KCNQ4: variants seen among roughly 807,000 people sequenced by gnomAD.
The protein encoded by KCNQ4 is potassium voltage-gated channel subfamily KQT member 4.
KCNQ4 carries 31 observed loss-of-function variants against 72.6 expected under a neutral mutation model. That is an observed-to-expected ratio of 0.43 (90% CI 0.32 to 0.58). KCNQ4 has a LOEUF of 0.58. Among genes scored for constraint, KCNQ4 ranks in the 20% least tolerant of loss-of-function variants. The pLI is 0.08. For synonymous variants in KCNQ4, 405 were observed against 403.7 expected, an observed-to-expected ratio of 1.00 and a Z score of -0.04; for missense variants, 869 against 962.6, an observed-to-expected ratio of 0.90 and a Z score of 1.29.
intron 1 of KCNQ4, among the ~76,000 whole-genome samples, chr1:40,806,199 G>A (rs528757094): frequency 5.9e-5 from 9 of 152,318 alleles, no homozygotes; most frequent in Middle Eastern, 3.4e-3. Flanking sequence ...GAATCTGCAC[G>A]GAGCTGCTCA....
chr1:40,811,749 G>A (rs1478065456), intron 1 of KCNQ4, among the ~76,000 whole-genome samples: 2 of 152,202 alleles, frequency 1.3e-5, no homozygotes, highest in Non-Finnish European at 2.9e-5. Flanking sequence ...TCTGCCTCCT[G>A]GGCTGGGCAG....
At chr1:40,808,687 A>G (rs1481648621) in intron 1 of KCNQ4, among the ~76,000 whole-genome samples, 1 of 152,100 alleles carries the variant, frequency 6.6e-6, no homozygotes, top group Non-Finnish European at 1.5e-5. Context: ...CCTACTCCAC[A>G]CCAGCTCCTC....
intron 1 of KCNQ4, among the ~76,000 whole-genome samples, chr1:40,808,536 C>A (rs575850750): frequency 1.6e-4 from 25 of 152,244 alleles, no homozygotes; most frequent in African/African-American, 5.8e-4. Flanking sequence ...CCCACCCCAC[C>A]CTCCTGCCCA....
intron 3 of KCNQ4, 89 bp from the exon 4 acceptor site, chr1:40,818,416 C>A: frequency 6.4e-7 from 1 of 1,561,580 alleles, no homozygotes; most frequent in Non-Finnish European, 8.7e-7. Context: ...CCTCCCTCCC[C>A]AGTCCCCTGC....
Position 40,784,165 on chromosome 1 carries a change from G to A in KCNQ4, c.72G>A (p.Val24=). 2 of 1,102,182 alleles carry A rather than the reference G, an allele frequency of 1.8e-6. No individual in the cohort carries two copies. Among genetic ancestry groups the A allele is most frequent in the Non-Finnish European group, 2.2e-6 (2 of 897,648 alleles). 68.3% of individuals were successfully genotyped at this position (1,102,182 alleles called of 1,614,324 possible). A position where few individuals can be genotyped will look rare whatever the true frequency, so the allele number is the denominator to read the frequency against. The change falls in exon 1 of 14, where the codon GTG becomes GTA. Residue 24 remains valine (V), a synonymous_variant. Coordinates refer to ENST00000347132, the MANE Select transcript of KCNQ4 (RefSeq NM_004700.4). The surrounding 1 kb of genome is among the most constrained non-coding windows in gnomAD (Gnocchi z 4.1). The stretch of plus-strand genomic sequence containing the variant: ...GGGACGCCCCCCGCGCGGAGCTAGT[G>A]GCGCTCACGGCCGTGCAGAGCGAAC... The part of the protein sequence containing the change: ...PPGDAPRAEL[V]ALTAVQSEQG...
intron 1 of KCNQ4, among the ~76,000 whole-genome samples, chr1:40,791,260 C>G (rs1647278713): frequency 6.6e-6 from 1 of 152,214 alleles, no homozygotes; most frequent in African/African-American, 2.4e-5. Context: ...CTGCCTGGCA[C>G]ACAGTCGTGG....
chr1:40,837,966 C>T (rs1648855167), intron 13 of KCNQ4, among the ~76,000 whole-genome samples, 172 bp downstream of exon 13: 1 of 151,950 alleles, frequency 6.6e-6, no homozygotes, highest in Middle Eastern at 3.4e-3. Flanking sequence ...CCCATAAACC[C>T]GCCCTCTCCT....
At chr1:40,812,581 T>A (rs1647961545) in intron 1 of KCNQ4, among the ~76,000 whole-genome samples, 1 of 152,188 alleles carries the variant, frequency 6.6e-6, no homozygotes, top group Non-Finnish European at 1.5e-5. Context: ...TTTCTATTAG[T>A]CCAAGTATAT....
intron 1 of KCNQ4, among the ~76,000 whole-genome samples, chr1:40,816,162 C>T (rs1648079706): frequency 1.3e-5 from 2 of 152,140 alleles, no homozygotes; most frequent in South Asian, 4.1e-4. Flanking sequence ...GGTGGGGAGA[C>T]TGGGGACATC....
rs1648773332 is a variant in KCNQ4, at chr1:40,835,121, G to A, written c.1745+23G>A. On this transcript the variant is annotated intron_variant, in intron 12 of 13. Transcript: ENST00000347132. ...TCGGTGGGTGCACCGGGCCTGTTGG[G>A]AGGCAGGGGCAGGGAGGCAGCGACC... The A allele has an allele frequency of 1.9e-6, 3 of 1,609,698 alleles. No individual in the cohort carries two copies. In the Admixed American group the frequency reaches 5.0e-5, roughly 27 times the overall value.
chr1:40,831,170 C>T lies in KCNQ4; in HGVS notation c.1379C>T (p.Thr460Ile). ...GPSKQHLAPP[T>I]MPTSPSSEQV... ...TCCAAGCAGCATCTGGCACCTCCAA[C>T]AATGCCCACCTCCCCAAGCAGCGAG... The change falls in exon 10 of 14, where the codon ACA (threonine) becomes ATA (isoleucine). Residue 460 changes from threonine (T) to isoleucine (I), a missense_variant. Transcript: ENST00000347132. 1 of 1,611,486 alleles carries T rather than the reference C, an allele frequency of 6.2e-7. No homozygotes were observed. Among genetic ancestry groups the T allele is most frequent in the Non-Finnish European group, 8.5e-7 (1 of 1,178,958 alleles).
intron 1 of KCNQ4, among the ~76,000 whole-genome samples, chr1:40,798,915 G>A (rs1647492276): frequency 1.3e-5 from 2 of 152,268 alleles, no homozygotes; most frequent in Non-Finnish European, 2.9e-5. Flanking sequence ...GCTGGCTGTG[G>A]CATGACCATG....
Position 40,837,692 on chromosome 1 carries a change from C to G in KCNQ4, c.1773C>G (p.Pro591=). 6.2e-7 allele frequency: 1 copy of G among 1,613,038 alleles called. No homozygotes were observed. The highest frequency in any genetic ancestry group is 8.5e-7 in the Non-Finnish European group (1 of 1,179,742). The change falls in exon 13 of 14, where the codon CCC becomes CCG. Residue 591 remains proline, a synonymous_variant. Coordinates refer to ENST00000347132, the MANE Select transcript of KCNQ4 (RefSeq NM_004700.4). ...TGGACCAAATTGTGGGTCGGGGGCC[C>G]GGGGACAGGAAGGCCCGGGAGAAGG... ...TRVDQIVGRG[P]GDRKAREKGD...
intron 3 of KCNQ4, 47 bp from the exon 4 acceptor site, chr1:40,818,458 G>A (rs1326371606): frequency 6.6e-6 from 10 of 1,514,478 alleles, no homozygotes; most frequent in Non-Finnish European, 8.9e-6. Context: ...CTCCGGGTCC[G>A]TGCGCGGGGT....
rs373727071 is a variant in KCNQ4 at position 40,824,198 on chromosome 1, G to A, written c.1232G>A (p.Arg411His). 114 of 1,594,698 alleles carry A rather than the reference G, an allele frequency of 7.1e-5. 1 individual carries two copies. The South Asian group carries it at 1.1e-3, about 15-fold the overall frequency. ...RAPVPDGAPS[R>H]YPPVATCHRP... ...CCGGTACCCGACGGAGCACCCTCCC[G>A]TTACCCGCCCGTTGCCACCTGCCAC... Residue 411 changes from arginine to histidine, a missense_variant, in exon 9 of 14, where the codon CGT (arginine) becomes CAT (histidine). Around this residue, in one of 5 missense-constraint regions of KCNQ4, gnomAD observed 480 missense variants for 501.9 expected, o/e 0.96. Transcript: ENST00000347132.
chr1:40,812,350 T>A (rs1333545033), intron 1 of KCNQ4, among the ~76,000 whole-genome samples: 1 of 152,166 alleles, frequency 6.6e-6, no homozygotes, highest in African/African-American at 2.4e-5. Context: ...TCAACCTCCC[T>A]GGCTCAAGCG....
chr1:40,808,067 A>C (rs1289923725), intron 1 of KCNQ4, among the ~76,000 whole-genome samples: 1 of 152,216 alleles, frequency 6.6e-6, no homozygotes, highest in Non-Finnish European at 1.5e-5. Context: ...TGATTGCACC[A>C]CTGCATTCCA....
intron 1 of KCNQ4, among the ~76,000 whole-genome samples, chr1:40,805,404 C>T (rs2148306919): frequency 1.3e-5 from 2 of 152,278 alleles, no homozygotes; most frequent in South Asian, 4.2e-4. Flanking sequence ...CTTTCCACCT[C>T]CCCTGCCTCT....
At chr1:40,811,588 C>T (rs1487334132) in intron 1 of KCNQ4, among the ~76,000 whole-genome samples, 1 of 152,220 alleles carries the variant, frequency 6.6e-6, no homozygotes, top group Non-Finnish European at 1.5e-5. Flanking sequence ...GCAAACCATT[C>T]ACTTTTTCAT....
Sources: allele counts gnomAD v4.1 joint callset (sites outside exome capture counted in the v4.1 genomes callset), GRCh38; gene constraint gnomAD v4.1.1; regional missense constraint gnomAD v4.1.1; non-coding constraint Gnocchi (gnomAD v3.1); transcripts MANE v1.5; gene names NCBI Gene and HGNC (gene_info 2026-07-23, HGNC 2026-07-21).